DUXA: variants seen among roughly 807,000 people sequenced by gnomAD.
The protein encoded by DUXA is double homeobox protein A.
Under a neutral mutation model 27.5 loss-of-function variants are expected in DUXA, and 25 were observed. That is an observed-to-expected ratio of 0.91 (90% CI 0.66 to 1.27). The LOEUF (loss-of-function observed/expected upper bound fraction) is 1.27, where lower values mean the gene tolerates loss of function less well. Among genes scored for constraint, DUXA ranks in the 50% most tolerant of loss-of-function variants. DUXA has a pLI of 0.00. For synonymous variants in DUXA, 90 were observed against 80.5 expected, an observed-to-expected ratio of 1.12 and a Z score of -0.63; for missense variants, 247 against 242.9, an observed-to-expected ratio of 1.02 and a Z score of -0.11.
intron 1 of DUXA, among the ~76,000 whole-genome samples, chr19:57,164,536 T>C (rs1462482840): frequency 6.6e-6 from 1 of 151,970 alleles, no homozygotes; most frequent in Non-Finnish European, 1.5e-5. Context: ...GATTGCACCA[T>C]TGCACTCCAG....
intron 1 of DUXA, among the ~76,000 whole-genome samples, chr19:57,163,225 A>G (rs2087033439): frequency 6.6e-6 from 1 of 151,996 alleles, no homozygotes; most frequent in Non-Finnish European, 1.5e-5. Flanking sequence ...CTTGCACACC[A>G]TCTTCTCAGA....
chr19:57,164,611 G>A (rs576694928), intron 1 of DUXA, among the ~76,000 whole-genome samples: 4 of 151,800 alleles, frequency 2.6e-5, no homozygotes, highest in African/African-American at 9.7e-5. Flanking sequence ...TTTTAAAAAA[G>A]GCTAGATGAC....
chr19:57,165,370 A>G (rs1329395757), intron 1 of DUXA, among the ~76,000 whole-genome samples: 2 of 139,090 alleles, frequency 1.4e-5, no homozygotes, highest in African/African-American at 5.2e-5. Context: ...CATTCTTTTG[A>G]CTGAATTCTA....
Sources: allele counts gnomAD v4.1 joint callset (sites outside exome capture counted in the v4.1 genomes callset), GRCh38; gene constraint gnomAD v4.1.1; transcripts MANE v1.5; gene names NCBI Gene and HGNC (gene_info 2026-07-23, HGNC 2026-07-21).